The following STAG1 variants were observed in gnomAD, a reference collection of about 807,000 sequenced individuals.
STAG1 encodes the protein cohesin subunit SA-1.
A neutral mutation model predicts 170.9 loss-of-function variants in STAG1; 26 were observed. That is an observed-to-expected ratio of 0.15 (90% CI 0.11 to 0.21). The LOEUF (loss-of-function observed/expected upper bound fraction) is 0.21. Ranked by LOEUF, STAG1 falls within the 10% of genes least tolerant of loss-of-function variation. The pLI, the probability that STAG1 is intolerant of heterozygous loss-of-function variation, is 1.00. For synonymous variants in STAG1, 514 were observed against 497.7 expected, an observed-to-expected ratio of 1.03 and a Z score of -0.44; for missense variants, 964 against 1,509.5, an observed-to-expected ratio of 0.64 and a Z score of 5.99.
intron 1 of STAG1, among the ~76,000 whole-genome samples, chr3:136,749,792 C>G (rs958974057): frequency 6.6e-6 from 1 of 151,178 alleles, no homozygotes; most frequent in Non-Finnish European, 1.5e-5. Flanking sequence ...ATATGCACTG[C>G]AATCACAGCT....
intron 4 of STAG1, among the ~76,000 whole-genome samples, chr3:136,576,893 C>T (rs1230278887): frequency 1.3e-5 from 2 of 152,114 alleles, no homozygotes; most frequent in African/African-American, 2.4e-5. Context: ...AGAGTAGATT[C>T]GTTTGCTTTG....
chr3:136,648,980 CAT>C (rs927213420), intron 1 of STAG1, among the ~76,000 whole-genome samples: 2 of 152,180 alleles, frequency 1.3e-5, no homozygotes, highest in Non-Finnish European at 2.9e-5. Context: ...AATTCCTAAA[CAT>C]AGCAAGCAAA....
At chr3:136,435,914 C>T (rs547590492) in intron 15 of STAG1, among the ~76,000 whole-genome samples, 44 of 152,160 alleles carry the variant, frequency 2.9e-4, no homozygotes, top group African/African-American at 1.0e-3. Flanking sequence ...GTGATCCACC[C>T]GTCTTGGCCT....
At chr3:136,554,216 T>A (rs1350435077) in intron 5 of STAG1, among the ~76,000 whole-genome samples, 2 of 151,038 alleles carry the variant, frequency 1.3e-5, no homozygotes, top group African/African-American at 2.4e-5. Context: ...TATCAGGGAG[T>A]GGAGAGAGAG....
At chr3:136,372,491 T>C (rs1040446947) in intron 23 of STAG1, among the ~76,000 whole-genome samples, 2 of 152,184 alleles carry the variant, frequency 1.3e-5, no homozygotes, top group African/African-American at 4.8e-5. Flanking sequence ...GGGTTTGTCA[T>C]AGATAGCTCT....
At chr3:136,586,964 A>T (rs1937860547) in intron 4 of STAG1, 1 of 448,618 alleles carries the variant, frequency 2.2e-6, no homozygotes, top group Non-Finnish European at 4.5e-6. Context: ...AGGGGCTTAG[A>T]TTCCTGAATC....
chr3:136,651,044 G>A (rs1179690157), intron 1 of STAG1, among the ~76,000 whole-genome samples: 1 of 152,118 alleles, frequency 6.6e-6, no homozygotes, highest in Non-Finnish European at 1.5e-5. Flanking sequence ...CGTTCTGTCA[G>A]AAATATCCAA....
chr3:136,346,389 C>T (rs1236003998), intron 29 of STAG1, among the ~76,000 whole-genome samples: 1 of 152,202 alleles, frequency 6.6e-6, no homozygotes, highest in Non-Finnish European at 1.5e-5. Flanking sequence ...AATACTTTCT[C>T]ATTTTCATCT....
intron 16 of STAG1, among the ~76,000 whole-genome samples, chr3:136,424,406 T>C (rs564526120): frequency 6.6e-6 from 1 of 150,424 alleles, no homozygotes; most frequent in East Asian, 2.0e-4. Flanking sequence ...ATTGGCTCAC[T>C]GCAACCTCCG....
At chr3:136,365,426 T>C (rs867806836) in intron 25 of STAG1, among the ~76,000 whole-genome samples, 32 of 152,072 alleles carry the variant, frequency 2.1e-4, no homozygotes, top group Admixed American at 1.2e-3. Context: ...TGGTGAAGAA[T>C]AGGAAAGGTG....
chr3:136,433,793 C>T (rs768642680), intron 15 of STAG1, 134 bp from the exon 16 acceptor site: 1 of 634,406 alleles, frequency 1.6e-6, no homozygotes, highest in Non-Finnish European at 2.6e-6. Context: ...AAGCTCTGTA[C>T]TTTGCTATTT....
intron 3 of STAG1, among the ~76,000 whole-genome samples, chr3:136,611,204 C>T (rs1279774398): frequency 6.6e-6 from 1 of 152,086 alleles, no homozygotes; most frequent in African/African-American, 2.4e-5. Context: ...GGCTGGATTG[C>T]AACGGCACAA....
chr3:136,609,969 A>AT (rs1300362058), intron 3 of STAG1, among the ~76,000 whole-genome samples: 3 of 152,072 alleles, frequency 2.0e-5, no homozygotes, highest in African/African-American at 4.8e-5. Flanking sequence ...TAAAAAAAAA[A>AT]TTTTGCATTT....
At chr3:136,714,110 G>A (rs908647272) in intron 1 of STAG1, among the ~76,000 whole-genome samples, 3 of 152,028 alleles carry the variant, frequency 2.0e-5, no homozygotes, top group African/African-American at 7.2e-5. Context: ...CCCAGGAGGT[G>A]GAGGCTGCCC....
chr3:136,735,365 ATCC>A (rs1934273902), intron 1 of STAG1, among the ~76,000 whole-genome samples: 1 of 151,976 alleles, frequency 6.6e-6, no homozygotes, highest in Non-Finnish European at 1.5e-5. Flanking sequence ...AGCCCAAGCA[ATCC>A]TCCTGCCTTG....
chr3:136,683,935 C>T (rs766366343), intron 1 of STAG1, among the ~76,000 whole-genome samples: 13 of 152,130 alleles, frequency 8.5e-5, no homozygotes, highest in Non-Finnish European at 1.8e-4. Flanking sequence ...TTTATGTTAG[C>T]ACCCCAAAAC....
intron 6 of STAG1, among the ~76,000 whole-genome samples, chr3:136,539,129 G>T (rs1192834044): frequency 6.8e-6 from 1 of 147,470 alleles, no homozygotes; most frequent in African/African-American, 2.5e-5. Flanking sequence ...GCCAGACTCC[G>T]TCTCAAAAAA....
chr3:136,654,918 ATAG>A (rs1294253234), intron 1 of STAG1, among the ~76,000 whole-genome samples: 3 of 152,240 alleles, frequency 2.0e-5, no homozygotes, highest in African/African-American at 7.2e-5. Flanking sequence ...GTTTCAACAC[ATAG>A]TAATGGAAAA....
chr3:136,456,211 G>C (rs913565969), intron 13 of STAG1, among the ~76,000 whole-genome samples: 1 of 152,074 alleles, frequency 6.6e-6, no homozygotes, highest in Admixed American at 6.6e-5. Context: ...GCAATTCAGG[G>C]TAATCCTCTT....
Sources: allele counts gnomAD v4.1 joint callset (sites outside exome capture counted in the v4.1 genomes callset), GRCh38; gene constraint gnomAD v4.1.1; transcripts MANE v1.5; gene names NCBI Gene and HGNC (gene_info 2026-07-23, HGNC 2026-07-21).